The following GRIP1 variants were observed in gnomAD, a reference collection of about 807,000 sequenced individuals.
GRIP1 encodes glutamate receptor-interacting protein 1.
A neutral mutation model predicts 129.9 loss-of-function variants in GRIP1; 45 were observed. The observed-to-expected ratio is 0.35, with a 90% CI of 0.27 to 0.44. The LOEUF is 0.44. Among genes scored for constraint, GRIP1 ranks in the 20% least tolerant of loss-of-function variants. GRIP1 has a pLI of 1.00. For synonymous variants in GRIP1, 530 were observed against 520.8 expected (o/e 1.02, Z -0.24); for missense variants, 1,196 against 1,396.8 (o/e 0.86, Z 2.29).
chr12:67,044,436 A>G (rs1357849252), intron 1 of GRIP1, among the ~76,000 whole-genome samples: 1 of 152,116 alleles, frequency 6.6e-6, no homozygotes, highest in Non-Finnish European at 1.5e-5. Flanking sequence ...TTTCTTGCTC[A>G]CTCTCACCTT....
chr12:67,028,461 C>A (rs1224989969), intron 1 of GRIP1, among the ~76,000 whole-genome samples: 1 of 152,206 alleles, frequency 6.6e-6, no homozygotes, highest in Non-Finnish European at 1.5e-5. Flanking sequence ...CAGCAATTTT[C>A]TGCATTCATG....
intron 1 of GRIP1, among the ~76,000 whole-genome samples, chr12:66,952,537 A>G (rs1255581545): frequency 6.6e-6 from 1 of 152,230 alleles, no homozygotes; most frequent in Non-Finnish European, 1.5e-5. Context: ...TTTTATAACA[A>G]AAGTATAAAC....
intron 22 of GRIP1, 177 bp from the exon 23 acceptor site, chr12:66,372,104 C>A (rs1273526080): frequency 3.1e-6 from 2 of 645,318 alleles, no homozygotes; most frequent in South Asian, 1.7e-5. Flanking sequence ...AAATGCTTTG[C>A]AAGTGACATT....
intron 16 of GRIP1, among the ~76,000 whole-genome samples, chr12:66,395,667 T>C (rs1434348685): frequency 6.6e-6 from 1 of 152,228 alleles, no homozygotes; most frequent in East Asian, 1.9e-4. Context: ...CTGAGTGCTC[T>C]ACTCAACGTA....
At chr12:66,412,648 T>G (rs1371984949) in intron 15 of GRIP1, among the ~76,000 whole-genome samples, 1 of 152,148 alleles carries the variant, frequency 6.6e-6, no homozygotes, top group African/African-American at 2.4e-5. Flanking sequence ...AACTTAAATG[T>G]AAACAGGATA....
At chr12:66,829,172 C>T (rs950279122) in intron 1 of GRIP1, among the ~76,000 whole-genome samples, 8 of 152,096 alleles carry the variant, frequency 5.3e-5, no homozygotes, top group African/African-American at 1.7e-4. Flanking sequence ...TCCAGGTAGA[C>T]CCTAAATGCA....
At chr12:66,639,892 G>A (rs1219355895) in intron 1 of GRIP1, among the ~76,000 whole-genome samples, 1 of 152,158 alleles carries the variant, frequency 6.6e-6, no homozygotes, top group Non-Finnish European at 1.5e-5. Flanking sequence ...TAGAAGCTGA[G>A]ACAAGCTCTG....
chr12:66,736,820 A>G (rs1228499800), intron 1 of GRIP1, among the ~76,000 whole-genome samples: 3 of 152,196 alleles, frequency 2.0e-5, no homozygotes, highest in Admixed American at 6.5e-5. Context: ...ATAAAGATAC[A>G]TTGGAACTAG....
In GRIP1 at chr12:66,463,042, G is replaced by A. The variant is rs751708941; in HGVS notation, c.924C>T (p.Ser308=). The change falls in exon 9 of 25, where the codon AGC becomes AGT. Residue 308 remains serine (S), a synonymous_variant. Transcript: ENST00000359742. Reference sequence around the variant, plus strand: ...CTTCTGCAAGTGTACAGTACTCCATGCTGGTTCCATCGATGGAGAGGATGT... The same window carrying A: ...CTTCTGCAAGTGTACAGTACTCCATACTGGTTCCATCGATGGAGAGGATGT... ...GDHILSIDGT[S]MEYCTLAEAT... is the part of the protein sequence containing the mutation. The A allele has an allele frequency of 1.2e-6, 2 of 1,613,180 alleles. No homozygotes were observed. The highest frequency in any genetic ancestry group is 1.7e-6 in the Non-Finnish European group (2 of 1,179,158).
intron 1 of GRIP1, among the ~76,000 whole-genome samples, chr12:66,632,887 T>C (rs1023935952): frequency 1.3e-5 from 2 of 152,188 alleles, no homozygotes; most frequent in Non-Finnish European, 2.9e-5. Flanking sequence ...ATAATCCTTA[T>C]GAATTGGGAT....
chr12:66,548,932 G>A (rs1011634887), intron 2 of GRIP1, among the ~76,000 whole-genome samples: 55 of 152,238 alleles, frequency 3.6e-4, no homozygotes, highest in African/African-American at 1.1e-3. Flanking sequence ...TGGCTGTAGC[G>A]TAAAAAGAGA....
At chr12:66,935,947 G>T (rs2041477054) in intron 1 of GRIP1, among the ~76,000 whole-genome samples, 1 of 152,148 alleles carries the variant, frequency 6.6e-6, no homozygotes, top group Non-Finnish European at 1.5e-5. Context: ...CATCCACAAG[G>T]ATTCAAATAT....
chr12:66,385,401 T>C (rs2056311011), intron 19 of GRIP1, among the ~76,000 whole-genome samples: 1 of 151,798 alleles, frequency 6.6e-6, no homozygotes, highest in Admixed American at 6.6e-5. Flanking sequence ...CTGGGCGTGG[T>C]GGTGGGCACC....
chr12:66,629,019 T>C (rs996241267), intron 1 of GRIP1, among the ~76,000 whole-genome samples: 3 of 152,238 alleles, frequency 2.0e-5, no homozygotes, highest in African/African-American at 7.2e-5. Flanking sequence ...ATTAAAGGAA[T>C]GTTAAATCTA....
chr12:66,735,567 T>C (rs1466535312), intron 1 of GRIP1, among the ~76,000 whole-genome samples: 1 of 151,194 alleles, frequency 6.6e-6, no homozygotes, highest in Non-Finnish European at 1.5e-5. Context: ...AAAGGGAAAA[T>C]CTGATTAAAC....
At chr12:66,410,060 C>T (rs890977842) in intron 15 of GRIP1, among the ~76,000 whole-genome samples, 2 of 149,896 alleles carry the variant, frequency 1.3e-5, no homozygotes, top group East Asian at 4.0e-4. Flanking sequence ...ACCATCCCGG[C>T]TAAAACGGTG....
intron 1 of GRIP1, among the ~76,000 whole-genome samples, chr12:67,032,715 G>C (rs2043040804): frequency 2.0e-5 from 3 of 152,064 alleles, no homozygotes; most frequent in African/African-American, 7.2e-5. Flanking sequence ...ATATACCTTG[G>C]GGGTGCAAGA....
intron 2 of GRIP1, among the ~76,000 whole-genome samples, chr12:66,571,476 G>A (rs575155148): frequency 2.0e-5 from 3 of 151,904 alleles, no homozygotes; most frequent in Non-Finnish European, 4.4e-5. Context: ...TATTACTACT[G>A]CCTTTGTTTT....
intron 1 of GRIP1, among the ~76,000 whole-genome samples, chr12:66,922,538 T>A (rs1469892617): frequency 2.0e-5 from 3 of 152,222 alleles, no homozygotes; most frequent in African/African-American, 7.2e-5. Context: ...AAATATCCAG[T>A]CTTTTTCTTA....
Sources: gnomAD v4.1 joint callset for allele counts (sites outside exome capture counted in the v4.1 genomes callset) on GRCh38, gnomAD v4.1.1 for gene constraint, MANE v1.5 for transcripts, NCBI Gene and HGNC (gene_info 2026-07-23, HGNC 2026-07-21) for gene names.